FUT8: variants seen among roughly 807,000 people sequenced by gnomAD.
FUT8 encodes the protein alpha-(1,6)-fucosyltransferase.
A neutral mutation model predicts 71.3 loss-of-function variants in FUT8; 29 were observed. The observed-to-expected ratio is 0.41, with a 90% CI of 0.30 to 0.55. The LOEUF is 0.55. FUT8 is among the 20% of genes least tolerant of loss of function. The pLI, the probability that FUT8 is intolerant of heterozygous loss-of-function variation, is 0.34. For missense variants in FUT8, 544 were observed against 702.1 expected (o/e 0.77, Z 2.55); for synonymous variants, 254 against 239.3 (o/e 1.06, Z -0.57).
intron 7 of FUT8, among the ~76,000 whole-genome samples, chr14:65,720,049 GC>G (rs1895332623): frequency 6.6e-6 from 1 of 152,244 alleles, no homozygotes; most frequent in African/African-American, 2.4e-5. Context: ...CTTCAGGACA[GC>G]AAGCAAGTTC....
intron 7 of FUT8, among the ~76,000 whole-genome samples, chr14:65,670,545 T>A (rs868183620): frequency 6.6e-6 from 1 of 152,106 alleles, no homozygotes; most frequent in African/African-American, 2.4e-5. Flanking sequence ...ACAGTACACA[T>A]CCTCTGCACT....
chr14:65,468,622 T>G (rs1297055344), intron 2 of FUT8, among the ~76,000 whole-genome samples: 2 of 152,178 alleles, frequency 1.3e-5, no homozygotes, highest in African/African-American at 4.8e-5. Context: ...TTGTCTTATT[T>G]TCTGCAGCTT....
At chr14:65,470,926 T>G (rs1230470642) in intron 2 of FUT8, among the ~76,000 whole-genome samples, 3 of 151,988 alleles carry the variant, frequency 2.0e-5, no homozygotes, top group African/African-American at 7.2e-5. Context: ...GTGCCGTCCA[T>G]GTACCAGAAA....
intron 5 of FUT8, among the ~76,000 whole-genome samples, chr14:65,622,543 T>C (rs1344429312): frequency 1.3e-5 from 2 of 152,218 alleles, no homozygotes. Context: ...TGTTGTCTTA[T>C]ATATGATAGT....
chr14:65,727,836 T>C (rs192643024), intron 9 of FUT8, among the ~76,000 whole-genome samples: 35 of 152,324 alleles, frequency 2.3e-4, no homozygotes, highest in Non-Finnish European at 3.7e-4. Context: ...CTGAATGCCT[T>C]TAGCAGCAAC....
intron 5 of FUT8, among the ~76,000 whole-genome samples, chr14:65,623,490 G>A (rs1158311224): frequency 6.6e-6 from 1 of 152,042 alleles, no homozygotes; most frequent in African/African-American, 2.4e-5. Flanking sequence ...AGACCGAGGA[G>A]GGTGGATCAC....
chr14:65,588,837 G>A (rs1194673729), intron 3 of FUT8, among the ~76,000 whole-genome samples: 1 of 152,098 alleles, frequency 6.6e-6, no homozygotes, highest in African/African-American at 2.4e-5. Flanking sequence ...AATTTATAAA[G>A]TAAACGTTAT....
intron 2 of FUT8, among the ~76,000 whole-genome samples, chr14:65,541,153 C>T (rs548054637): frequency 1.3e-5 from 2 of 152,112 alleles, no homozygotes; most frequent in African/African-American, 4.8e-5. Context: ...TGTTAGAAAA[C>T]ATTAGCTATT....
At chr14:65,598,543 T>C (rs1888123936) in intron 3 of FUT8, among the ~76,000 whole-genome samples, 1 of 152,144 alleles carries the variant, frequency 6.6e-6, no homozygotes, top group Non-Finnish European at 1.5e-5. Flanking sequence ...TTCTGTTAAA[T>C]AATAGTGATG....
At chr14:65,651,917 A>C (rs1189304496) in intron 6 of FUT8, among the ~76,000 whole-genome samples, 1 of 152,218 alleles carries the variant, frequency 6.6e-6, no homozygotes. Flanking sequence ...AAACATCTTC[A>C]TATTTGTATC....
intron 3 of FUT8, among the ~76,000 whole-genome samples, chr14:65,567,532 A>G (rs750898271): frequency 6.6e-6 from 1 of 151,936 alleles, no homozygotes; most frequent in Non-Finnish European, 1.5e-5. Context: ...TATAACTCCT[A>G]GTCTCTCATA....
At chr14:65,370,270 C>G in the FUT8 span, among the ~76,000 whole-genome samples, 2 of 128,584 alleles carry the variant, frequency 1.6e-5, no homozygotes, top group Non-Finnish European at 3.1e-5. Context: ...TGCAGTGGCA[C>G]TATCTCCACT....
intron 2 of FUT8, among the ~76,000 whole-genome samples, chr14:65,464,790 T>C (rs1476128636): frequency 6.6e-6 from 1 of 152,152 alleles, no homozygotes; most frequent in Non-Finnish European, 1.5e-5. Flanking sequence ...GTTCTGTAAT[T>C]TTCCTTTCTT....
chr14:65,412,339 G>A (rs1175339256), upstream of FUT8: 1 of 456,038 alleles, frequency 2.2e-6, no homozygotes, highest in African/African-American at 2.0e-5. Context: ...TAGTGCGGGT[G>A]CCCCCTAGGG....
intron 2 of FUT8, among the ~76,000 whole-genome samples, chr14:65,536,241 G>A (rs1285965802): frequency 6.6e-6 from 1 of 152,130 alleles, no homozygotes; most frequent in Non-Finnish European, 1.5e-5. Flanking sequence ...GGGGCATTTA[G>A]ACCATTTACA....
chr14:65,603,188 A>T lies in FUT8; in HGVS notation c.204-12790A>T, dbSNP rs1041252523. ...GTGAGAGATGAGGTTTTATTCTGCT[A>T]CATGTGGCTTGCCAGTTATCCTGGC... On this transcript the variant is annotated intron_variant, in intron 3 of 10. Coordinates refer to ENST00000673929, the MANE Select transcript of FUT8 (RefSeq NM_001371533.1). This position sits in a 1 kb window ranked among gnomAD's most constrained non-coding sequence, Gnocchi z 4.5. 3.9e-5 allele frequency among the ~76,000 whole-genome samples: 6 copies of T among 151,964 alleles called. No homozygotes were observed. The highest frequency in any genetic ancestry group is 1.4e-4 in the African/African-American group (6 of 41,412).
At chr14:65,582,906 T>TAA (rs1887167616) in intron 3 of FUT8, among the ~76,000 whole-genome samples, 1 of 152,234 alleles carries the variant, frequency 6.6e-6, no homozygotes, top group African/African-American at 2.4e-5. Flanking sequence ...ACGGTCATCT[T>TAA]AGACATGCTG....
chr14:65,441,751 C>CAAA (rs71126746), intron 1 of FUT8, among the ~76,000 whole-genome samples: 3 of 69,462 alleles, frequency 4.3e-5, no homozygotes, highest in African/African-American at 1.2e-4. Context: ...GATTCCATCT[C>CAAA]AAAAAAAAAA....
At chr14:65,553,779 T>C (rs1296446610) in intron 2 of FUT8, among the ~76,000 whole-genome samples, 3 of 151,892 alleles carry the variant, frequency 2.0e-5, no homozygotes, top group Non-Finnish European at 4.4e-5. Flanking sequence ...TTATTACATG[T>C]AGTGTGTTCT....
Sources: gnomAD v4.1 joint callset for allele counts (sites outside exome capture counted in the v4.1 genomes callset) on GRCh38, gnomAD v4.1.1 for gene constraint, Gnocchi (gnomAD v3.1) non-coding constraint, MANE v1.5 for transcripts, NCBI Gene and HGNC (gene_info 2026-07-23, HGNC 2026-07-21) for gene names.